The following FRMD4B variants were observed in gnomAD, a reference collection of about 807,000 sequenced individuals.
FRMD4B encodes FERM domain-containing protein 4B.
FRMD4B carries 74 observed loss-of-function variants against 141.5 expected under a neutral mutation model. That is an observed-to-expected ratio of 0.52 (90% CI 0.43 to 0.63). FRMD4B has a LOEUF of 0.63. Ranked by LOEUF, FRMD4B falls within the 30% of genes least tolerant of loss-of-function variation. The pLI is 0.00. For missense variants in FRMD4B, 1,366 were observed against 1,253.4 expected (o/e 1.09, Z -1.36); for synonymous variants, 506 against 467.9 (o/e 1.08, Z -1.05).
chr3:69,534,102 A>G (rs1701046485), intron 1 of FRMD4B, among the ~76,000 whole-genome samples: 1 of 152,164 alleles, frequency 6.6e-6, no homozygotes, highest in African/African-American at 2.4e-5. Context: ...CTGATCCCCA[A>G]GTGGTTTGTG....
intron 11 of FRMD4B, 46 bp downstream of exon 11, chr3:69,216,217 C>A: frequency 1.0e-6 from 1 of 984,384 alleles, no homozygotes; most frequent in Non-Finnish European, 1.6e-6. Context: ...TTGTGATTAA[C>A]ATGTTTTGAA....
chr3:69,227,881 G>T (rs1272508917), intron 7 of FRMD4B, among the ~76,000 whole-genome samples: 2 of 151,814 alleles, frequency 1.3e-5, no homozygotes, highest in African/African-American at 4.8e-5. Flanking sequence ...CCACACTAAT[G>T]CAAGATGTTA....
intron 1 of FRMD4B, among the ~76,000 whole-genome samples, chr3:69,474,025 T>C (rs988307150): frequency 2.0e-5 from 3 of 152,166 alleles, no homozygotes; most frequent in East Asian, 1.9e-4. Flanking sequence ...AAATTAGAGA[T>C]GCCCTACCGT....
At chr3:69,278,588 CA>C (rs1559773239) in intron 5 of FRMD4B, among the ~76,000 whole-genome samples, 1 of 143,896 alleles carries the variant, frequency 6.9e-6, no homozygotes, top group Non-Finnish European at 1.5e-5. Flanking sequence ...TGAGTCACCC[CA>C]GTGGCCCCAA....
chr3:69,528,201 G>T (rs1422021501), intron 1 of FRMD4B, among the ~76,000 whole-genome samples: 1 of 152,048 alleles, frequency 6.6e-6, no homozygotes, highest in Non-Finnish European at 1.5e-5. Flanking sequence ...GGGACTCAAT[G>T]GCAAGGACTA....
At chr3:69,458,743 A>G (rs553939083) in intron 1 of FRMD4B, among the ~76,000 whole-genome samples, 1 of 151,812 alleles carries the variant, frequency 6.6e-6, no homozygotes, top group African/African-American at 2.4e-5. Flanking sequence ...CACGCTTGTA[A>G]TCAGAGCCAG....
chr3:69,208,410 G>A (rs1207141286), intron 11 of FRMD4B, among the ~76,000 whole-genome samples: 2 of 152,126 alleles, frequency 1.3e-5, no homozygotes, highest in East Asian at 1.9e-4. Flanking sequence ...ATGTTGGCCA[G>A]GCTGGTCTGG....
chr3:69,281,417 T>C (rs2093643822), intron 5 of FRMD4B, among the ~76,000 whole-genome samples: 1 of 152,238 alleles, frequency 6.6e-6, no homozygotes, highest in African/African-American at 2.4e-5. Context: ...AAATTATACA[T>C]TTTTGCTTCT....
intron 13 of FRMD4B, 77 bp downstream of exon 13, chr3:69,196,823 T>C (rs1294980466): frequency 2.7e-6 from 3 of 1,114,246 alleles, no homozygotes; most frequent in Non-Finnish European, 3.9e-6. Context: ...TGCTTGCATC[T>C]TTTGTGAGAA....
intron 5 of FRMD4B, among the ~76,000 whole-genome samples, chr3:69,272,680 G>A (rs1458595421): frequency 1.3e-5 from 2 of 152,142 alleles, no homozygotes; most frequent in Non-Finnish European, 2.9e-5. Context: ...TTAGTTCTTG[G>A]TACGACTAAA....
intron 1 of FRMD4B, among the ~76,000 whole-genome samples, chr3:69,476,967 T>C (rs1706012549): frequency 2.0e-5 from 3 of 152,176 alleles, no homozygotes; most frequent in Admixed American, 6.5e-5. Flanking sequence ...TTTGAAGCAA[T>C]TGTGAATGGG....
intron 1 of FRMD4B, among the ~76,000 whole-genome samples, chr3:69,373,468 T>C (rs1429880279): frequency 6.6e-6 from 1 of 152,230 alleles, no homozygotes; most frequent in African/African-American, 2.4e-5. Flanking sequence ...AATTTCTATA[T>C]TTGCCAAATG....
At chr3:69,207,685 A>G (rs929249107) in intron 11 of FRMD4B, among the ~76,000 whole-genome samples, 2 of 151,932 alleles carry the variant, frequency 1.3e-5, no homozygotes, top group Non-Finnish European at 2.9e-5. Context: ...GGACATGCCT[A>G]TACTCCCAGC....
Position 69,437,483 on chromosome 3 carries a change from C to A in FRMD4B, c.-128-4722G>T, listed in dbSNP as rs551954116. 2.1e-5 allele frequency among the ~76,000 whole-genome samples: 3 copies of A among 144,834 alleles called. No homozygotes were observed. In the South Asian group the frequency reaches 6.5e-4, roughly 31 times the overall value. On this transcript the variant is annotated intron_variant, in intron 1 of 5. Transcript: ENST00000459638. ...CTAGTGTATATACTAGTATACTATT[C>A]ATAGTATTATACATAACATACACTG...
At chr3:69,461,513 A>C (rs1358380752) in intron 1 of FRMD4B, among the ~76,000 whole-genome samples, 1 of 150,536 alleles carries the variant, frequency 6.6e-6, no homozygotes, top group African/African-American at 2.4e-5. Context: ...AGTCCCACCC[A>C]CTCGAGCAGC....
At chr3:69,473,240 G>C (rs1705926697) in intron 1 of FRMD4B, among the ~76,000 whole-genome samples, 1 of 151,990 alleles carries the variant, frequency 6.6e-6, no homozygotes, top group Non-Finnish European at 1.5e-5. Context: ...CCTCCAGCAA[G>C]CACTTATGTA....
intron 1 of FRMD4B, among the ~76,000 whole-genome samples, chr3:69,378,406 A>C (rs1383618793): frequency 6.6e-6 from 1 of 152,196 alleles, no homozygotes; most frequent in Non-Finnish European, 1.5e-5. Context: ...GGCACCTGGC[A>C]ATGTTTAGGA....
chr3:69,472,338 G>T, intron 1 of FRMD4B: 2 of 478,412 alleles, frequency 4.2e-6, no homozygotes. Context: ...GCAACTCCCT[G>T]GGATTCTTGT....
intron 11 of FRMD4B, 58 bp from the exon 12 acceptor site, chr3:69,198,832 A>G (rs575216623): frequency 7.9e-5 from 64 of 813,040 alleles, no homozygotes; most frequent in Non-Finnish European, 1.2e-4. Flanking sequence ...CTAATTCTAT[A>G]AATCAGCTTA....
Sources: allele counts gnomAD v4.1 joint callset (sites outside exome capture counted in the v4.1 genomes callset), GRCh38; gene constraint gnomAD v4.1.1; transcripts MANE v1.5; gene names NCBI Gene and HGNC (gene_info 2026-07-23, HGNC 2026-07-21).